FANCL: variants seen among roughly 807,000 people sequenced by gnomAD.
FANCL encodes the protein FA complementation group L.
In FANCL, 69 loss-of-function variants were observed where a neutral mutation model predicts 59.4. The observed-to-expected ratio is 1.16, with a 90% CI of 0.96 to 1.42. FANCL has a LOEUF of 1.42. Ranked by LOEUF, FANCL falls within the 40% of genes most tolerant of loss-of-function variation. FANCL has a pLI of 0.00. For synonymous variants in FANCL, 180 were observed against 147.1 expected, an observed-to-expected ratio of 1.22 and a Z score of -1.62; for missense variants, 519 against 447.2, an observed-to-expected ratio of 1.16 and a Z score of -1.45.
intron 12 of FANCL, among the ~76,000 whole-genome samples, chr2:58,160,575 G>A (rs1037976144): frequency 6.6e-6 from 1 of 151,882 alleles, no homozygotes; most frequent in Non-Finnish European, 1.5e-5. Flanking sequence ...AGATACTACA[G>A]GCTCTTGAAA....
At position 58,198,673 on chromosome 2, in the gene FANCL, A is replaced by G. The variant is rs772393383; in HGVS notation, c.472-11T>C. 7.5e-5 allele frequency: 120 copies of G among 1,609,264 alleles called. No individual in the cohort carries two copies. The highest frequency in any genetic ancestry group is 1.0e-4 in the Non-Finnish European group (117 of 1,175,768). ...TGATTCTGCAGGATACTATTAAAAA[A>G]GCATAACATTAGACCATTTTTGCTT... On this transcript the variant is annotated splice_polypyrimidine_tract_variant and intron_variant, in intron 6 of 13. Transcript: ENST00000233741.
chr2:58,233,562 T>A (rs114057378), intron 1 of FANCL, among the ~76,000 whole-genome samples: 1 of 152,040 alleles, frequency 6.6e-6, no homozygotes, highest in African/African-American at 2.4e-5. Flanking sequence ...AAAAATCCCA[T>A]GTTTTCAGCC....
chr2:58,211,008 A>C (rs1691088128), intron 5 of FANCL, among the ~76,000 whole-genome samples: 1 of 152,090 alleles, frequency 6.6e-6, no homozygotes, highest in African/African-American at 2.4e-5. Context: ...TGGATCTACC[A>C]TTCTGGGGTC....
At chr2:58,184,063 G>C (rs1043359394) in intron 7 of FANCL, among the ~76,000 whole-genome samples, 5 of 152,014 alleles carry the variant, frequency 3.3e-5, no homozygotes, top group African/African-American at 1.2e-4. Flanking sequence ...GAAAATCCAT[G>C]AAGTAGGTAT....
chr2:58,227,885 C>CT (rs145652829), intron 3 of FANCL, among the ~76,000 whole-genome samples: 7,967 of 151,166 alleles, frequency 0.053, 310 homozygotes, highest in African/African-American at 0.1. Context: ...CTCATCATTA[C>CT]TTTTTTTAAA....
intron 7 of FANCL, among the ~76,000 whole-genome samples, chr2:58,177,452 T>TA (rs1172493678): frequency 6.6e-6 from 1 of 151,496 alleles, no homozygotes; most frequent in East Asian, 1.9e-4. Context: ...TATGCAGCCA[T>TA]AAAAAAGGAT....
intron 5 of FANCL, among the ~76,000 whole-genome samples, chr2:58,215,455 A>G (rs549259872): frequency 3.9e-5 from 6 of 152,330 alleles, no homozygotes; most frequent in African/African-American, 1.4e-4. Flanking sequence ...CTTGCTAAAG[A>G]CCAACACTTC....
chr2:58,226,721 T>C lies in FANCL; in HGVS notation c.273+7A>G. The C allele has an allele frequency of 3.8e-6, 6 of 1,591,200 alleles. No homozygotes were observed. The highest frequency in any genetic ancestry group is 2.6e-6 in the Non-Finnish European group (3 of 1,163,294). On this transcript the variant is annotated splice_region_variant and intron_variant, in intron 4 of 13. Transcript: ENST00000233741. ...GTAACAGTGTCAGAAAAAAAAAAAA[T>C]TCTTACCAAAAGCATCTTCAACTCC...
intron 7 of FANCL, among the ~76,000 whole-genome samples, chr2:58,183,899 G>GT (rs1481495238): frequency 6.6e-6 from 1 of 151,900 alleles, no homozygotes; most frequent in African/African-American, 2.4e-5. Flanking sequence ...CATATTGATG[G>GT]TAACAAGGTA....
Position 58,159,396 on chromosome 2 carries a change from G to T in FANCL, c.*369C>A. 6.2e-7 allele frequency: 1 copy of T among 1,613,134 alleles called. No individual in the cohort carries two copies. The highest frequency in any genetic ancestry group is 8.5e-7 in the Non-Finnish European group (1 of 1,179,594). ...AATATCAAGAGTCTCAAGAACCTTTGAATGAAGTAAACAGTTTCCCACAAA... is the reference window on the plus strand; with the variant it reads ...AATATCAAGAGTCTCAAGAACCTTTTAATGAAGTAAACAGTTTCCCACAAA... On this transcript the variant is annotated 3_prime_UTR_variant, in exon 14 of 14. Transcript: ENST00000233741.
chr2:58,239,062 T>C (rs13400272), intron 1 of FANCL, among the ~76,000 whole-genome samples: 5,420 of 152,252 alleles, frequency 0.036, 335 homozygotes, highest in African/African-American at 0.12. Flanking sequence ...TTATAATGAA[T>C]TGCCACTTCA....
At chr2:58,183,651 T>C (rs761016847) in intron 7 of FANCL, among the ~76,000 whole-genome samples, 6 of 152,012 alleles carry the variant, frequency 3.9e-5, no homozygotes, top group Non-Finnish European at 8.8e-5. Context: ...AATGACAATT[T>C]TTTATTCTCT....
chr2:58,203,132 C>G (rs1407787014), intron 6 of FANCL, among the ~76,000 whole-genome samples: 1 of 151,560 alleles, frequency 6.6e-6, no homozygotes, highest in Non-Finnish European at 1.5e-5. Flanking sequence ...ATTTCCATCC[C>G]ACTAATTTTT....
At chr2:58,233,863 G>A (rs921659294) in intron 1 of FANCL, among the ~76,000 whole-genome samples, 2 of 151,982 alleles carry the variant, frequency 1.3e-5, no homozygotes, top group African/African-American at 2.4e-5. Context: ...GCAGAAGATA[G>A]GAGAAAAGAT....
chr2:58,163,382 G>A (rs1685498187), intron 9 of FANCL, 52 bp downstream of exon 9: 2 of 1,180,030 alleles, frequency 1.7e-6, no homozygotes. Flanking sequence ...AACAATGCTA[G>A]GCAAGGATTT....
intron 7 of FANCL, among the ~76,000 whole-genome samples, chr2:58,186,607 A>AT (rs1408384476): frequency 1.3e-5 from 2 of 152,092 alleles, no homozygotes; most frequent in Admixed American, 6.5e-5. Context: ...ATGCAAGAGC[A>AT]TTTTTTTCCG....
chr2:58,188,199 T>C (rs1438727829), intron 7 of FANCL, among the ~76,000 whole-genome samples: 1 of 152,186 alleles, frequency 6.6e-6, no homozygotes, highest in Non-Finnish European at 1.5e-5. Context: ...GTACCTTCGT[T>C]GAAAACAGCT....
chr2:58,227,408 G>C (rs1693120674), intron 3 of FANCL, among the ~76,000 whole-genome samples: 2 of 152,140 alleles, frequency 1.3e-5, no homozygotes, highest in Non-Finnish European at 2.9e-5. Flanking sequence ...ATGAGTGCAA[G>C]GTTTTATTAA....
chr2:58,159,976 T>A, intron 13 of FANCL, 132 bp downstream of exon 13: 1 of 1,530,930 alleles, frequency 6.5e-7, no homozygotes, highest in Non-Finnish European at 8.8e-7. Context: ...ATCAGAGAAT[T>A]TGAAAAATAG....
Sources: gnomAD v4.1 joint callset for allele counts (sites outside exome capture counted in the v4.1 genomes callset) on GRCh38, gnomAD v4.1.1 for gene constraint, MANE v1.5 for transcripts, NCBI Gene and HGNC (gene_info 2026-07-23, HGNC 2026-07-21) for gene names.